The following PDE1A variants were observed in gnomAD, a reference collection of about 807,000 sequenced individuals.
The protein encoded by PDE1A is dual specificity calcium/calmodulin-dependent 3',5'-cyclic nucleotide phosphodiesterase 1A.
In PDE1A, 35 loss-of-function variants were observed where a neutral mutation model predicts 61.7. The observed-to-expected ratio is 0.57, with a 90% CI of 0.43 to 0.75. PDE1A has a LOEUF of 0.75. PDE1A is among the 30% of genes least tolerant of loss of function. The pLI, the probability that PDE1A is intolerant of heterozygous loss-of-function variation, is 0.00. For synonymous variants in PDE1A, 232 were observed against 213.2 expected, an observed-to-expected ratio of 1.09 and a Z score of -0.77; for missense variants, 597 against 630.6, an observed-to-expected ratio of 0.95 and a Z score of 0.57.
rs371924328 is a variant in PDE1A at position 182,274,242 on chromosome 2, G to T, written c.54-9828C>A. Among the ~76,000 whole-genome samples, 3 of 152,038 alleles carry T rather than the reference G, an allele frequency of 2.0e-5. No individual in the cohort carries two copies. The East Asian group carries it at 5.8e-4, about 29-fold the overall frequency. ...TGGGGTGACACAAATATATCAAATG[G>T]CTTGGGATATTTATTCTTAATTAAT... On this transcript the variant is annotated intron_variant, in intron 1 of 13. Coordinates refer to ENST00000351439, the Ensembl canonical transcript of PDE1A.
the PDE1A span, among the ~76,000 whole-genome samples, chr2:182,552,800 T>A: frequency 6.6e-6 from 1 of 152,194 alleles, no homozygotes; most frequent in African/African-American, 2.4e-5. Flanking sequence ...CCCCTCCCTT[T>A]GTATGGGAGC....
At chr2:182,684,842 T>G in the PDE1A span, among the ~76,000 whole-genome samples, 7 of 152,124 alleles carry the variant, frequency 4.6e-5, no homozygotes, top group Non-Finnish European at 7.3e-5. Flanking sequence ...ACCATATAAA[T>G]GTTAAAATTA....
At chr2:182,282,821 T>C (rs1693900886) in intron 1 of PDE1A, among the ~76,000 whole-genome samples, 1 of 152,044 alleles carries the variant, frequency 6.6e-6, no homozygotes, top group African/African-American at 2.4e-5. Context: ...GTCCAGTTCA[T>C]TCAATAAACT....
intron 1 of PDE1A, among the ~76,000 whole-genome samples, chr2:182,373,090 G>A (rs1211026530): frequency 1.3e-5 from 2 of 152,172 alleles, no homozygotes; most frequent in Non-Finnish European, 2.9e-5. Flanking sequence ...TCTTACCTGT[G>A]GTTGTCTGTG....
rs1700610695 is a variant in PDE1A at position 182,379,606 on chromosome 2, A to G, written c.53+46972T>C. Reference sequence around the variant, plus strand: ...TTTGAATGACTAAATATTCCTGTAAAGGTAAATTAGAACAAAATGTATAGT... The same window carrying G: ...TTTGAATGACTAAATATTCCTGTAAGGGTAAATTAGAACAAAATGTATAGT... On this transcript the variant is annotated intron_variant, in intron 1 of 13. Coordinates refer to ENST00000351439, the Ensembl canonical transcript of PDE1A. Among the ~76,000 whole-genome samples, 7 of 152,238 alleles carry G rather than the reference A, an allele frequency of 4.6e-5. No homozygotes were observed. The South Asian group carries it at 1.4e-3, about 32-fold the overall frequency.
intron 2 of PDE1A, among the ~76,000 whole-genome samples, chr2:182,448,276 C>G (rs1433340279): frequency 6.6e-6 from 1 of 152,024 alleles, no homozygotes; most frequent in African/African-American, 2.4e-5. Context: ...CATTTTGGAG[C>G]ACATGTTTCT....
At chr2:182,711,078 G>A in the PDE1A span, among the ~76,000 whole-genome samples, 1 of 152,198 alleles carries the variant, frequency 6.6e-6, no homozygotes, top group Non-Finnish European at 1.5e-5. Flanking sequence ...AACCCAACCA[G>A]TGTGAGGAGA....
intron 1 of PDE1A, among the ~76,000 whole-genome samples, chr2:182,384,595 C>T (rs1318203913): frequency 6.6e-6 from 1 of 151,274 alleles, no homozygotes; most frequent in African/African-American, 2.4e-5. Context: ...AACTCCAAGA[C>T]AGGTTATTTG....
chr2:182,177,541 G>C (rs1045863202), intron 13 of PDE1A, among the ~76,000 whole-genome samples: 2 of 151,924 alleles, frequency 1.3e-5, no homozygotes, highest in East Asian at 3.9e-4. Flanking sequence ...TGCTTGTTTT[G>C]GTGAGGGTTG....
intron 1 of PDE1A, among the ~76,000 whole-genome samples, chr2:182,407,482 A>G (rs1293184463): frequency 6.6e-6 from 1 of 151,998 alleles, no homozygotes; most frequent in East Asian, 1.9e-4. Context: ...CCCAGGTCCA[A>G]GTGATTCTCT....
chr2:182,505,631 C>T (rs1689361082), intron 2 of PDE1A, among the ~76,000 whole-genome samples: 3 of 152,166 alleles, frequency 2.0e-5, no homozygotes, highest in African/African-American at 7.2e-5. Context: ...CCCACATGCC[C>T]ATCCTCCAAT....
chr2:182,337,079 G>T (rs748008697), intron 1 of PDE1A, among the ~76,000 whole-genome samples: 5 of 151,874 alleles, frequency 3.3e-5, no homozygotes, highest in Admixed American at 2.0e-4. Flanking sequence ...ATTGTAAGTG[G>T]TAAATACTTG....
chr2:182,161,487 C>A (rs1691378891), intron 13 of PDE1A, among the ~76,000 whole-genome samples: 1 of 152,036 alleles, frequency 6.6e-6, no homozygotes, highest in African/African-American at 2.4e-5. Context: ...GCAGTGGCAC[C>A]CCCACCCACA....
the PDE1A span, among the ~76,000 whole-genome samples, chr2:182,644,263 C>CTGTGTG: frequency 0.071 from 8,786 of 122,916 alleles, 455 homozygotes; most frequent in Non-Finnish European, 0.09. Flanking sequence ...TCTTAAGACT[C>CTGTGTG]TGTGTGTGTG....
At chr2:182,382,385 A>G (rs926875562) in intron 1 of PDE1A, among the ~76,000 whole-genome samples, 3 of 152,258 alleles carry the variant, frequency 2.0e-5, no homozygotes, top group African/African-American at 7.2e-5. Context: ...GTAGCCCCTG[A>G]CTAACAACCA....
At chr2:182,526,511 C>T (rs145592269), upstream of PDE1A, among the ~76,000 whole-genome samples, 769 of 152,210 alleles carry the variant, frequency 5.1e-3, 6 homozygotes, top group South Asian at 7.5e-3. Flanking sequence ...GACAAGAAAG[C>T]GTTAAGTGTG....
At chr2:182,449,972 C>A (rs921396814) in intron 2 of PDE1A, among the ~76,000 whole-genome samples, 1 of 152,018 alleles carries the variant, frequency 6.6e-6, no homozygotes, top group Non-Finnish European at 1.5e-5. Flanking sequence ...ATTACACCAA[C>A]TTGGATCATC....
Position 182,191,634 on chromosome 2 carries a change from A to G in PDE1A, c.1126-2574T>C, listed in dbSNP as rs551405205. Among the ~76,000 whole-genome samples, 105 of 151,914 alleles carry G rather than the reference A, an allele frequency of 6.9e-4. 1 individual carries two copies. The highest frequency in any genetic ancestry group is 1.1e-3 in the Non-Finnish European group (77 of 67,890). On this transcript the variant is annotated intron_variant, in intron 10 of 13. Coordinates refer to ENST00000351439, the Ensembl canonical transcript of PDE1A. The stretch of plus-strand genomic sequence containing the variant: ...TTGCAATTAAAATTGCAAAAACCAC[A>G]ATTATTTTTGCACCACCCTAAATAT...
chr2:182,234,110 G>A (rs1193029296), intron 4 of PDE1A, among the ~76,000 whole-genome samples: 1 of 151,904 alleles, frequency 6.6e-6, no homozygotes, highest in East Asian at 1.9e-4. Context: ...AACAAAATAT[G>A]TACATTTTGA....
Sources: allele counts gnomAD v4.1 joint callset (sites outside exome capture counted in the v4.1 genomes callset), GRCh38; gene constraint gnomAD v4.1.1; transcripts MANE v1.5; gene names NCBI Gene and HGNC (gene_info 2026-07-23, HGNC 2026-07-21).